Variants in USH2A observed in about 807,000 individuals in gnomAD.
The protein encoded by USH2A is Usher syndrome 2A (autosomal recessive, mild).
USH2A carries 443 observed loss-of-function variants against 538.9 expected under a neutral mutation model. That is an observed-to-expected ratio of 0.82 (90% CI 0.76 to 0.89). The LOEUF (loss-of-function observed/expected upper bound fraction) is 0.89, where lower values mean the gene tolerates loss of function less well. Ranked by LOEUF, USH2A falls within the 40% of genes least tolerant of loss-of-function variation. The probability of loss-of-function intolerance (pLI) is 0.00; values close to 1 mark genes in which losing one functional copy is unlikely to be tolerated. For missense variants in USH2A, 6,633 were observed against 6,324.8 expected, an observed-to-expected ratio of 1.05 and a Z score of -1.65; for synonymous variants, 2,413 against 2,273.5, an observed-to-expected ratio of 1.06 and a Z score of -1.75.
chr1:216,162,020 T>C (rs1007541555), intron 21 of USH2A, among the ~76,000 whole-genome samples: 2 of 152,050 alleles, frequency 1.3e-5, no homozygotes, highest in African/African-American at 4.8e-5. Context: ...TACCTGGATA[T>C]GGCTTTCCTT....
chr1:215,851,197 A>G (rs965808335), intron 44 of USH2A, among the ~76,000 whole-genome samples: 4 of 152,206 alleles, frequency 2.6e-5, no homozygotes, highest in African/African-American at 9.6e-5. Context: ...CCAAAATCAA[A>G]GCAGAACTAA....
chr1:216,249,756 T>C (rs12124206), intron 12 of USH2A, among the ~76,000 whole-genome samples: 12,971 of 152,182 alleles, frequency 0.085, 786 homozygotes, highest in Non-Finnish European at 0.13. Context: ...TGTAGCATGA[T>C]GTACACTTAC....
rs529589990 is a variant in USH2A, at chr1:215,675,289, C to T, written c.12622G>A (p.Asp4208Asn). 25 of 1,614,104 alleles carry T rather than the reference C, an allele frequency of 1.5e-5. No individual in the cohort carries two copies. The highest frequency in any genetic ancestry group is 6.7e-5 in the East Asian group (3 of 44,886). Reference protein sequence around the residue: ...KAWGNQTIQADEKIVFTEYNT... With the variant: ...KAWGNQTIQANEKIVFTEYNT... ...TATTCTGTGAAAACAATTTTCTCGT[C>T]GGCCTGGATTGTCTGATTTCCCCAA... Residue 4208 changes from aspartate (D) to asparagine (N), a missense_variant, in exon 63 of 72, where the codon GAC becomes AAC. Transcript: ENST00000307340.
intron 8 of USH2A, 108 bp downstream of exon 8, chr1:216,323,366 C>A: frequency 9.2e-7 from 1 of 1,083,352 alleles, no homozygotes; most frequent in Admixed American, 1.9e-5. Flanking sequence ...AGTATGAAAT[C>A]ATTTCAAAAT....
chr1:215,765,827 G>A (rs1166611578), intron 56 of USH2A, among the ~76,000 whole-genome samples: 2 of 151,860 alleles, frequency 1.3e-5, no homozygotes, highest in African/African-American at 4.8e-5. Flanking sequence ...TTTTATACTG[G>A]TGCATGGAAT....
At chr1:215,988,659 C>T (rs1005675464) in intron 35 of USH2A, among the ~76,000 whole-genome samples, 16 of 152,190 alleles carry the variant, frequency 1.1e-4, no homozygotes, top group African/African-American at 3.4e-4. Flanking sequence ...CACATCCTTT[C>T]CAGAACATGT....
At chr1:216,366,754 T>C (rs987019511) in intron 3 of USH2A, among the ~76,000 whole-genome samples, 4 of 152,148 alleles carry the variant, frequency 2.6e-5, no homozygotes, top group Admixed American at 2.0e-4. Flanking sequence ...ATTGATCTAG[T>C]GTTGCATTTG....
chr1:216,417,929 G>C (rs1015113808), intron 3 of USH2A, among the ~76,000 whole-genome samples: 1 of 152,016 alleles, frequency 6.6e-6, no homozygotes, highest in Non-Finnish European at 1.5e-5. Flanking sequence ...CTCTCTTCTG[G>C]AGACTGTAAA....
intron 44 of USH2A, among the ~76,000 whole-genome samples, chr1:215,853,363 C>G (rs1005269409): frequency 1.1e-4 from 16 of 152,192 alleles, no homozygotes; most frequent in South Asian, 6.2e-4. Context: ...AACCCTGGGT[C>G]TGGCCCTTGA....
chr1:216,389,932 T>C (rs2039075112), intron 3 of USH2A, among the ~76,000 whole-genome samples: 1 of 152,100 alleles, frequency 6.6e-6, no homozygotes, highest in African/African-American at 2.4e-5. Context: ...GTGACTTACA[T>C]TTACATCTTG....
At chr1:215,799,324 C>T (rs1055257378) in intron 49 of USH2A, among the ~76,000 whole-genome samples, 199 bp from the exon 50 acceptor site, 2 of 152,206 alleles carry the variant, frequency 1.3e-5, no homozygotes, top group African/African-American at 4.8e-5. Context: ...ATCAGATACA[C>T]ACATGGCAAC....
chr1:216,273,148 A>G (rs1480145125), intron 11 of USH2A, among the ~76,000 whole-genome samples: 3 of 152,130 alleles, frequency 2.0e-5, no homozygotes, highest in Non-Finnish European at 4.4e-5. Context: ...GTGTAGGAGA[A>G]AGCAGATGAT....
intron 32 of USH2A, among the ~76,000 whole-genome samples, chr1:216,013,013 TCTC>T (rs1326950750): frequency 2.6e-5 from 4 of 152,190 alleles, no homozygotes; most frequent in Non-Finnish European, 4.4e-5. Context: ...ACAGCTGACA[TCTC>T]CTCATGCTAT....
At chr1:216,188,642 T>A (rs1479996381) in intron 20 of USH2A, among the ~76,000 whole-genome samples, 1 of 151,942 alleles carries the variant, frequency 6.6e-6, no homozygotes, top group East Asian at 1.9e-4. Context: ...AAAAGAGGTA[T>A]CTAAAGATGG....
At chr1:215,809,456 C>CAA (rs5780854) in intron 49 of USH2A, among the ~76,000 whole-genome samples, 3,771 of 143,400 alleles carry the variant, frequency 0.026, 92 homozygotes, top group African/African-American at 0.067. Context: ...GAAAAGTCTT[C>CAA]AAAAAAAAAA....
chr1:215,846,085 A>G (rs78139525), intron 44 of USH2A, 52 bp from the exon 45 acceptor site: 48 of 1,203,122 alleles, frequency 4.0e-5, no homozygotes, highest in Admixed American at 2.2e-4. Flanking sequence ...CTTTCAGGGG[A>G]AAAAAAAAAT....
chr1:215,713,775 T>C (rs566147890), intron 61 of USH2A, among the ~76,000 whole-genome samples: 1 of 152,274 alleles, frequency 6.6e-6, no homozygotes, highest in Non-Finnish European at 1.5e-5. Flanking sequence ...CTCTTTGTCC[T>C]ATTGAACTAT....
intron 32 of USH2A, among the ~76,000 whole-genome samples, chr1:216,044,990 G>A (rs539978934): frequency 1.6e-3 from 246 of 152,264 alleles, no homozygotes; most frequent in Non-Finnish European, 3.2e-3. Context: ...TGAATACACA[G>A]CCCTGTCCAC....
intron 50 of USH2A, among the ~76,000 whole-genome samples, chr1:215,791,251 T>C (rs1044527058): frequency 6.6e-6 from 1 of 152,222 alleles, no homozygotes; most frequent in African/African-American, 2.4e-5. Context: ...TCCAGTTATA[T>C]AGCAGCACAA....
Sources: allele counts gnomAD v4.1 joint callset (sites outside exome capture counted in the v4.1 genomes callset), GRCh38; gene constraint gnomAD v4.1.1; transcripts MANE v1.5; gene names NCBI Gene and HGNC (gene_info 2026-07-23, HGNC 2026-07-21).